LRP1B: variants seen among roughly 807,000 people sequenced by gnomAD.
LRP1B encodes the protein LDL receptor related protein 1B.
LRP1B carries 217 observed loss-of-function variants against 556.6 expected under a neutral mutation model. The observed-to-expected ratio is 0.39, with a 90% CI of 0.35 to 0.44. LRP1B has a LOEUF of 0.44. Among genes scored for constraint, LRP1B ranks in the 20% least tolerant of loss-of-function variants. The probability of loss-of-function intolerance (pLI) is 1.00; values close to 1 mark genes in which losing one functional copy is unlikely to be tolerated. For synonymous variants in LRP1B, 2,047 were observed against 1,865.8 expected (o/e 1.10, Z -2.50); for missense variants, 5,053 against 5,620.8 (o/e 0.90, Z 3.23).
rs1245859339 is a variant in LRP1B, at chr2:140,601,785, T to C, written c.6800-146A>G. ...AATCTCCAAAATAAAAATGCAGTCA[T>C]TGTGATACCTACAATTGACAGCTTA... On this transcript the variant is annotated intron_variant, in intron 41 of 90. Transcript: ENST00000389484. The C allele has an allele frequency of 1.5e-5, 8 of 516,342 alleles. No homozygotes were observed. The East Asian group carries it at 2.2e-4, about 14-fold the overall frequency. The allele number at this position is 516,342 out of a possible 1,614,324, so 32.0% of individuals were successfully genotyped here.
chr2:141,717,166 C>T (rs1692634119), intron 2 of LRP1B, among the ~76,000 whole-genome samples: 1 of 152,118 alleles, frequency 6.6e-6, no homozygotes, highest in African/African-American at 2.4e-5. Context: ...CCCAAAAGGA[C>T]CTTCTCTATT....
At chr2:141,429,277 G>A (rs1047851026) in intron 3 of LRP1B, among the ~76,000 whole-genome samples, 5 of 152,044 alleles carry the variant, frequency 3.3e-5, no homozygotes, top group Non-Finnish European at 7.4e-5. Flanking sequence ...TTATAATTAA[G>A]AGACATTTAC....
At position 140,700,333 on chromosome 2, in the gene LRP1B, T is replaced by A. The variant is rs1369892385; in HGVS notation, c.6716A>T (p.Asn2239Ile). ...GTGTGCATCACTGTAAAAGATTCGG[T>A]TGGTACCTTTTCTTCTTTGATTATA... Reference protein sequence around the residue: ...FDYNQRRKGTNRIFYSDAHFG... With the variant: ...FDYNQRRKGTIRIFYSDAHFG... Residue 2239 changes from asparagine to isoleucine, a missense_variant, in exon 41 of 91, where the codon AAC becomes ATC. This residue lies in a region of LRP1B where 3,619 missense variants were observed against 3,931.9 expected (regional missense o/e 0.92). Coordinates refer to ENST00000389484, the MANE Select transcript of LRP1B (RefSeq NM_018557.3). The A allele has an allele frequency of 3.7e-6, 6 of 1,612,728 alleles. No homozygotes were observed. In the African/African-American group the frequency reaches 8.0e-5, roughly 22 times the overall value.
At chr2:141,220,817 C>A (rs1342458937) in intron 6 of LRP1B, among the ~76,000 whole-genome samples, 1 of 150,662 alleles carries the variant, frequency 6.6e-6, no homozygotes, top group Admixed American at 6.6e-5. Context: ...CATTATCAGC[C>A]ATACTAAGCT....
chr2:141,319,310 G>GTTTTTTTTTTT (rs1426104411), intron 3 of LRP1B, among the ~76,000 whole-genome samples: 1 of 133,952 alleles, frequency 7.5e-6, no homozygotes, highest in African/African-American at 2.9e-5. Flanking sequence ...TTTTTTTGTT[G>GTTTTTTTTTTT]TTTTTTTTTT....
intron 7 of LRP1B, among the ~76,000 whole-genome samples, chr2:141,074,141 G>T (rs567178663): frequency 1.2e-4 from 18 of 151,912 alleles, no homozygotes; most frequent in African/African-American, 4.3e-4. Context: ...TAACACCTTG[G>T]ACATCCAGTG....
chr2:140,629,533 A>C (rs1307390412), intron 41 of LRP1B, among the ~76,000 whole-genome samples: 1 of 152,234 alleles, frequency 6.6e-6, no homozygotes, highest in Non-Finnish European at 1.5e-5. Context: ...AAAGTATTTT[A>C]AACTGCCTGA....
At chr2:140,955,806 G>C (rs1415553377) in intron 18 of LRP1B, among the ~76,000 whole-genome samples, 1 of 151,584 alleles carries the variant, frequency 6.6e-6, no homozygotes, top group Non-Finnish European at 1.5e-5. Context: ...TGTCTCCCAG[G>C]AAGGTAGATT....
intron 25 of LRP1B, among the ~76,000 whole-genome samples, chr2:140,870,409 C>G (rs1243951561): frequency 6.6e-6 from 1 of 152,144 alleles, no homozygotes; most frequent in Non-Finnish European, 1.5e-5. Context: ...CCCCATTTCC[C>G]TCTCCCATAT....
intron 79 of LRP1B, among the ~76,000 whole-genome samples, chr2:140,333,645 AAAT>A (rs1461940044): frequency 6.6e-6 from 1 of 152,108 alleles, no homozygotes; most frequent in Non-Finnish European, 1.5e-5. Context: ...CATAATTATT[AAAT>A]AATATGTACT....
At chr2:141,763,507 A>C (rs1694630725) in intron 2 of LRP1B, among the ~76,000 whole-genome samples, 1 of 152,204 alleles carries the variant, frequency 6.6e-6, no homozygotes, top group South Asian at 2.1e-4. Flanking sequence ...AAAACAGAAC[A>C]CAAGTATCTC....
chr2:141,238,787 C>A (rs1683752470), intron 5 of LRP1B, among the ~76,000 whole-genome samples: 1 of 151,950 alleles, frequency 6.6e-6, no homozygotes, highest in Non-Finnish European at 1.5e-5. Flanking sequence ...AAGGATGAAT[C>A]CAATGTTTTG....
rs539814016 is a variant in LRP1B at position 140,675,622 on chromosome 2, C to CA, written c.6799+24627dup. 2.2e-4 allele frequency among the ~76,000 whole-genome samples: 33 copies of CA among 151,538 alleles called. 2 individuals are homozygous for CA. The highest frequency in any genetic ancestry group is 5.8e-4 in the East Asian group (3 of 5,156). On this transcript the variant is annotated intron_variant, in intron 41 of 90. Transcript: ENST00000389484. Reference sequence around the variant, plus strand: ...TTTGCCTCTACAAAAGTTAAAAAAACAAAAAAAATAGCTGATTGTGGTGGT... The same window carrying CA: ...TTTGCCTCTACAAAAGTTAAAAAAACAAAAAAAAATAGCTGATTGTGGTGGT...
intron 41 of LRP1B, among the ~76,000 whole-genome samples, chr2:140,602,208 A>G (rs1204234682): frequency 2.0e-5 from 3 of 151,932 alleles, no homozygotes; most frequent in Admixed American, 6.6e-5. Context: ...ATGAGATAAA[A>G]AAAAACAAAG....
chr2:141,916,812 T>C (rs1700048576), intron 1 of LRP1B, among the ~76,000 whole-genome samples: 1 of 152,244 alleles, frequency 6.6e-6, no homozygotes, highest in East Asian at 1.9e-4. Flanking sequence ...AACCAACTGT[T>C]GGGTATTATG....
intron 84 of LRP1B, among the ~76,000 whole-genome samples, chr2:140,284,726 GTT>G (rs5834731): frequency 0.53 from 80,197 of 150,494 alleles, 24,331 homozygotes; most frequent in Non-Finnish European, 0.68. Context: ...TTTGCTTCTA[GTT>G]TTTTTTTTCA....
chr2:141,183,456 G>A (rs1478574294), intron 7 of LRP1B, among the ~76,000 whole-genome samples: 1 of 151,986 alleles, frequency 6.6e-6, no homozygotes, highest in Non-Finnish European at 1.5e-5. Context: ...ATGGGAAAGG[G>A]TTTTTTAAAC....
intron 2 of LRP1B, among the ~76,000 whole-genome samples, chr2:141,581,142 A>G (rs866429420): frequency 7.9e-5 from 12 of 152,086 alleles, no homozygotes; most frequent in African/African-American, 2.7e-4. Context: ...AGGTTGAAGC[A>G]CTCTCTATGA....
chr2:141,071,808 G>A lies in LRP1B; in HGVS notation c.1014-9535C>T, dbSNP rs147827157. The stretch of plus-strand genomic sequence containing the variant: ...AATCTAACCTACAAGGGACGCGAAG[G>A]ACCTCTTCAAGGAGAACTACAAACC... On this transcript the variant is annotated intron_variant, in intron 7 of 90. Coordinates refer to ENST00000389484, the MANE Select transcript of LRP1B (RefSeq NM_018557.3). Among the ~76,000 whole-genome samples the A allele has an allele frequency of 2.0e-3, 312 of 152,222 alleles. 8 individuals carry two copies. In the East Asian group the frequency reaches 0.049, roughly 24 times the overall value.
Sources: gnomAD v4.1 joint callset for allele counts (sites outside exome capture counted in the v4.1 genomes callset) on GRCh38, gnomAD v4.1.1 for gene constraint, gnomAD v4.1.1 regional missense constraint, MANE v1.5 for transcripts, NCBI Gene and HGNC (gene_info 2026-07-23, HGNC 2026-07-21) for gene names.